NUCB1: variants seen among roughly 807,000 people sequenced by gnomAD.
NUCB1 encodes nucleobindin-1.
In NUCB1, 47 loss-of-function variants were observed where a neutral mutation model predicts 61.2. The ratio of observed to expected loss-of-function variants is 0.77; its 90% CI spans 0.61 to 0.98. The LOEUF is 0.98. NUCB1 is among the 50% of genes least tolerant of loss of function. The pLI is 0.00. For synonymous variants in NUCB1, 234 were observed against 243.1 expected, an observed-to-expected ratio of 0.96 and a Z score of 0.35; for missense variants, 583 against 605.3, an observed-to-expected ratio of 0.96 and a Z score of 0.39.
intron 7 of NUCB1, among the ~76,000 whole-genome samples, 168 bp downstream of exon 7, chr19:48,913,732 G>T (rs1388637062): frequency 6.6e-6 from 1 of 152,156 alleles, no homozygotes; most frequent in African/African-American, 2.4e-5. Context: ...CGACTACAAG[G>T]CTAGGATCTG....
In NUCB1 at chr19:48,921,998, C is replaced by A. The variant is rs2037615366; in HGVS notation, c.1279+66C>A. Reference sequence around the variant, plus strand: ...ACCCCTGGGTCTGAGGTTGGAGGGGCTGGGCCTGGACTCCCAGATCTGAGG... The same window carrying A: ...ACCCCTGGGTCTGAGGTTGGAGGGGATGGGCCTGGACTCCCAGATCTGAGG... On this transcript the variant is annotated intron_variant, in intron 12 of 12. Coordinates refer to ENST00000405315, the MANE Select transcript of NUCB1 (RefSeq NM_006184.6). The A allele has an allele frequency of 1.7e-5, 22 of 1,289,234 alleles. No individual in the cohort carries two copies. The South Asian group carries it at 2.9e-4, about 17-fold the overall frequency. The allele number at this position is 1,289,234 out of a possible 1,614,324, so 79.9% of individuals were successfully genotyped here.
intron 5 of NUCB1, among the ~76,000 whole-genome samples, chr19:48,912,676 A>G (rs1158659620): frequency 1.3e-5 from 2 of 151,914 alleles, no homozygotes; most frequent in Non-Finnish European, 2.9e-5. Flanking sequence ...TTTCTACTAA[A>G]AATACAAAAA....
intron 4 of NUCB1, chr19:48,910,917 G>C: frequency 2.3e-6 from 1 of 431,178 alleles, no homozygotes; most frequent in Non-Finnish European, 4.3e-6. Context: ...GGCATGGCCT[G>C]GCATCTAGTA....
In NUCB1 at chr19:48,919,065, C is replaced by G. The variant is rs201461096; in HGVS notation, c.852C>G (p.Asp284Glu). Residue 284 changes from aspartate to glutamate, a missense_variant, in exon 9 of 13, where the codon GAC (aspartate) becomes GAG (glutamate). Asp to Glu is a conservative substitution (Grantham distance 45, BLOSUM62 2). Coordinates refer to ENST00000405315, the MANE Select transcript of NUCB1 (RefSeq NM_006184.6). ...TGTACGACCCAAAGAATGAGGAGGA[C>G]GACATGCGGGAGATGGAGGAGGAGC... ...EKVYDPKNEE[D>E]DMREMEEERL... The G allele has an allele frequency of 1.2e-6, 2 of 1,613,866 alleles. No individual in the cohort carries two copies. Among genetic ancestry groups the G allele is most frequent in the East Asian group, 4.5e-5 (2 of 44,892 alleles).
At chr19:48,908,464 T>A (rs1186973726) in intron 4 of NUCB1, among the ~76,000 whole-genome samples, 1 of 152,206 alleles carries the variant, frequency 6.6e-6, no homozygotes, top group Non-Finnish European at 1.5e-5. Flanking sequence ...ATTTGATTCC[T>A]GCTGTGTCCA....
chr19:48,916,841 T>C (rs1330843176), intron 7 of NUCB1, among the ~76,000 whole-genome samples: 1 of 151,740 alleles, frequency 6.6e-6, no homozygotes, highest in East Asian at 1.9e-4. Context: ...ACTTAAACCC[T>C]GGAGGTGGAG....
Position 48,900,826 on chromosome 19 carries a change from CCTT to C in NUCB1, c.33_35del (p.Leu13del), listed in dbSNP as rs781767900. On this transcript the variant is annotated inframe_deletion, in exon 2 of 13. Coordinates refer to ENST00000405315, the MANE Select transcript of NUCB1 (RefSeq NM_006184.6). ...CTCCCTCTGGGCCCCGAGGAACCCT[CCTT>C]CTGTTGCCGCTGCTGCTGCTGCTCC... The C allele has an allele frequency of 1.4e-5, 22 of 1,613,894 alleles. No individual in the cohort carries two copies. The African/African-American group carries it at 1.7e-4, about 13-fold the overall frequency.
rs916564544 is a variant in NUCB1, at chr19:48,922,847, A to G, written c.*423A>G. 3 of 181,548 alleles carry G rather than the reference A, an allele frequency of 1.7e-5. No homozygotes were observed. Among genetic ancestry groups the G allele is most frequent in the South Asian group, 2.2e-4 (2 of 9,240 alleles). The allele number at this position is 181,548 out of a possible 1,614,324, so 11.2% of individuals were successfully genotyped here. A position where few individuals can be genotyped will look rare whatever the true frequency, so the allele number is the denominator to read the frequency against. ...GGAATCCCCGCTGCTGCTCCGGGCC[A>G]AGCTTCTGGTTGATTAATGAGGGCA... On this transcript the variant is annotated 3_prime_UTR_variant, in exon 13 of 13. Coordinates refer to ENST00000405315, the MANE Select transcript of NUCB1 (RefSeq NM_006184.6).
Position 48,904,457 on chromosome 19 carries a change from G to A in NUCB1, c.243+3G>A, listed in dbSNP as rs773531851. 2.5e-6 allele frequency: 4 copies of A among 1,604,142 alleles called. No homozygotes were observed. The highest frequency in any genetic ancestry group is 1.7e-4 in the Middle Eastern group (1 of 6,030). ...CTGCCAATGCGGAGGACATCAAGGT[G>A]CGGCTGGGGGAGTGGGGGCTGTGGG... On this transcript the variant is annotated splice_donor_region_variant and intron_variant, in intron 3 of 12. Coordinates refer to ENST00000405315, the MANE Select transcript of NUCB1 (RefSeq NM_006184.6).
chr19:48,916,215 T>A (rs963028258), intron 7 of NUCB1, among the ~76,000 whole-genome samples: 7 of 151,748 alleles, frequency 4.6e-5, no homozygotes, highest in African/African-American at 1.7e-4. Flanking sequence ...TTATTTCACT[T>A]AGCATAATGG....
At chr19:48,905,225 C>T (rs1047223511) in intron 3 of NUCB1, among the ~76,000 whole-genome samples, 6 of 152,162 alleles carry the variant, frequency 3.9e-5, no homozygotes, top group Non-Finnish European at 8.8e-5. Context: ...CCTATGGTGC[C>T]TTCTACAGAG....
At chr19:48,913,872 C>G (rs2037508289) in intron 7 of NUCB1, among the ~76,000 whole-genome samples, 1 of 152,190 alleles carries the variant, frequency 6.6e-6, no homozygotes, top group Non-Finnish European at 1.5e-5. Context: ...CAGGAGAAGC[C>G]CTGGTCCACT....
chr19:48,902,045 G>A (rs1419758004), intron 2 of NUCB1, among the ~76,000 whole-genome samples: 1 of 152,212 alleles, frequency 6.6e-6, no homozygotes, highest in Admixed American at 6.5e-5. Context: ...TGCTCACTGG[G>A]AGATGGAAGA....
intron 7 of NUCB1, among the ~76,000 whole-genome samples, chr19:48,917,830 C>T (rs2037558794): frequency 6.9e-6 from 1 of 144,510 alleles, no homozygotes; most frequent in South Asian, 2.1e-4. Flanking sequence ...TTTGTAGAGA[C>T]GGGGTCTAGC....
intron 4 of NUCB1, among the ~76,000 whole-genome samples, chr19:48,907,407 C>G (rs1167535974): frequency 6.6e-6 from 1 of 151,734 alleles, no homozygotes; most frequent in Non-Finnish European, 1.5e-5. Flanking sequence ...TCCCAAGTAG[C>G]TGGGATTACA....
In NUCB1 at chr19:48,921,247, C is replaced by T; in HGVS notation, c.1096C>T (p.Gln366Ter). The T allele has an allele frequency of 1.2e-6, 2 of 1,610,550 alleles. No homozygotes were observed. The highest frequency in any genetic ancestry group is 8.5e-7 in the Non-Finnish European group (1 of 1,178,886). Residue 366 changes from glutamine to a stop codon, truncating the protein, a stop_gained, in exon 11 of 13, where the codon CAG (glutamine) becomes TAG (stop). Transcript: ENST00000405315. LOFTEE classifies it high-confidence loss of function. ...AREAELNAKA[Q>*]RLSQETEALG... ...GGAGGCAGAGCTGAATGCCAAGGCC[C>T]AGCGCCTCAGCCAGGAGACAGAGGC...
rs752513185 is a variant in NUCB1, at chr19:48,919,033, G to A, written c.820G>A (p.Glu274Lys). 5 of 1,613,886 alleles carry A rather than the reference G, an allele frequency of 3.1e-6. No homozygotes were observed. The South Asian group carries it at 3.3e-5, about 11-fold the overall frequency. ...TGCCTCTCGCTTGCTCCTGCAGCTG[G>A]AGAAAGTGTACGACCCAAAGAATGA... ...ELEALFTKEL[E>K]KVYDPKNEED... Residue 274 changes from glutamate (E) to lysine (K), a missense_variant, in exon 9 of 13, where the codon GAG (glutamate) becomes AAG (lysine). Coordinates refer to ENST00000405315, the MANE Select transcript of NUCB1 (RefSeq NM_006184.6).
intron 10 of NUCB1, 64 bp from the exon 11 acceptor site, chr19:48,921,090 T>G: frequency 6.6e-7 from 1 of 1,519,716 alleles, no homozygotes; most frequent in Non-Finnish European, 8.9e-7. Context: ...GGCACAACCC[T>G]CTCCAACATG....
intron 7 of NUCB1, among the ~76,000 whole-genome samples, chr19:48,916,596 G>C (rs568828542): frequency 6.6e-6 from 1 of 151,542 alleles, no homozygotes; most frequent in Non-Finnish European, 1.5e-5. Context: ...CTCCAGCCTG[G>C]GCAACAGAGT....
Sources: gnomAD v4.1 joint callset for allele counts (sites outside exome capture counted in the v4.1 genomes callset) on GRCh38, gnomAD v4.1.1 for gene constraint, MANE v1.5 for transcripts, NCBI Gene and HGNC (gene_info 2026-07-23, HGNC 2026-07-21) for gene names.